Variants in UIMC1 observed in about 807,000 individuals in gnomAD.
UIMC1 encodes BRCA1-A complex subunit RAP80.
A neutral mutation model predicts 84.9 loss-of-function variants in UIMC1; 42 were observed. That is an observed-to-expected ratio of 0.49 (90% CI 0.39 to 0.64). UIMC1 has a LOEUF of 0.64. Among genes scored for constraint, UIMC1 ranks in the 30% least tolerant of loss-of-function variants. The probability of loss-of-function intolerance (pLI) is 0.00; values close to 1 mark genes in which losing one functional copy is unlikely to be tolerated. For synonymous variants in UIMC1, 281 were observed against 293.0 expected, an observed-to-expected ratio of 0.96 and a Z score of 0.42; for missense variants, 825 against 847.6, an observed-to-expected ratio of 0.97 and a Z score of 0.33.
chr5:176,978,317 G>C (rs1484574345), intron 2 of UIMC1, among the ~76,000 whole-genome samples: 1 of 152,084 alleles, frequency 6.6e-6, no homozygotes, highest in East Asian at 1.9e-4. Context: ...AGCTTGCAGT[G>C]AGCAGAGATG....
intron 10 of UIMC1, among the ~76,000 whole-genome samples, chr5:176,930,625 G>A (rs774831207): frequency 6.6e-5 from 10 of 152,140 alleles, no homozygotes; most frequent in Non-Finnish European, 1.0e-4. Flanking sequence ...ATAAAGATGC[G>A]GCAAATTAAA....
intron 10 of UIMC1, among the ~76,000 whole-genome samples, chr5:176,940,491 G>T (rs1319456241): frequency 6.6e-6 from 1 of 152,122 alleles, no homozygotes; most frequent in African/African-American, 2.4e-5. Context: ...TACCAGCTGT[G>T]TAAGTGCTTA....
rs759161130 is a variant in UIMC1 at position 176,969,149 on chromosome 5, G to T, written c.606C>A (p.Asp202Glu). 6 of 1,614,038 alleles carry T rather than the reference G, an allele frequency of 3.7e-6. No individual in the cohort carries two copies. Among genetic ancestry groups the T allele is most frequent in the African/African-American group, 1.3e-5 (1 of 74,916 alleles). The change falls in exon 6 of 15, where the codon GAC becomes GAA. Residue 202 changes from aspartate to glutamate, a missense_variant. Transcript: ENST00000511320. The stretch of plus-strand genomic sequence containing the variant: ...TCTCAAACACTGGCTGGCTTGACTG[G>T]TCCCAGCTTCCTGAGCTGCCAGAGA... Reference protein sequence around the residue: ...EPVSGSSGSWDQSSQPVFENV... With the variant: ...EPVSGSSGSWEQSSQPVFENV...
At chr5:177,018,781 A>C (rs1041670994) in intron 1 of UIMC1, among the ~76,000 whole-genome samples, 1 of 152,234 alleles carries the variant, frequency 6.6e-6, no homozygotes, top group Non-Finnish European at 1.5e-5. Flanking sequence ...CCTCCATGGC[A>C]CAGGGGATGA....
chr5:176,991,495 G>A (rs1302859506), intron 1 of UIMC1, among the ~76,000 whole-genome samples: 3 of 151,738 alleles, frequency 2.0e-5, no homozygotes, highest in East Asian at 1.9e-4. Context: ...ACTGCCTCTC[G>A]ATCACCTGAG....
At chr5:176,920,059 T>C (rs1362727452) in intron 10 of UIMC1, among the ~76,000 whole-genome samples, 1 of 152,178 alleles carries the variant, frequency 6.6e-6, no homozygotes, top group Non-Finnish European at 1.5e-5. Flanking sequence ...TTCGCTCTTG[T>C]TGCCCAGGCT....
chr5:176,913,823 T>A (rs1373271573), intron 10 of UIMC1, among the ~76,000 whole-genome samples: 1 of 152,042 alleles, frequency 6.6e-6, no homozygotes, highest in South Asian at 2.1e-4. Context: ...ACAAAAAATA[T>A]AAAAGTTAGC....
rs1759496793 is a variant in UIMC1 at position 176,907,160 on chromosome 5, T to G, written c.1866A>C (p.Glu622Asp). The G allele has an allele frequency of 1.2e-6, 2 of 1,613,636 alleles. No homozygotes were observed. The highest frequency in any genetic ancestry group is 1.7e-5 in the Admixed American group (1 of 59,978). Residue 622 changes from glutamate to aspartate, a missense_variant, in exon 13 of 15, where the codon GAA becomes GAC. Coordinates refer to ENST00000511320, the MANE Select transcript of UIMC1 (RefSeq NM_001199298.2). ...GTTCCAAGAAACTAAGGAGTCGGCC[T>G]TCACTGTGGCCTTTTTCCTGTAACA... is the stretch of plus-strand genomic sequence containing the variant. ...LKNPKEKGHS[E>D]GRLLSFLEQS...
intron 14 of UIMC1, 156 bp downstream of exon 14, chr5:176,905,855 G>A: frequency 1.3e-6 from 1 of 741,158 alleles, no homozygotes; most frequent in East Asian, 2.6e-5. Flanking sequence ...TTAGCTAAAT[G>A]GGGAGCACAG....
intron 10 of UIMC1, among the ~76,000 whole-genome samples, chr5:176,936,985 T>TA (rs1329690095): frequency 5.3e-5 from 8 of 152,190 alleles, no homozygotes; most frequent in Non-Finnish European, 1.2e-4. Flanking sequence ...CAGGGACTTA[T>TA]ATTCTGTTAA....
intron 10 of UIMC1, among the ~76,000 whole-genome samples, chr5:176,921,192 C>T (rs1259134672): frequency 1.3e-5 from 2 of 152,182 alleles, no homozygotes; most frequent in Non-Finnish European, 1.5e-5. Flanking sequence ...TGCATCTGTA[C>T]CCATATCCTC....
chr5:176,992,272 A>T (rs748044590), intron 1 of UIMC1, among the ~76,000 whole-genome samples: 1 of 152,178 alleles, frequency 6.6e-6, no homozygotes, highest in Non-Finnish European at 1.5e-5. Context: ...TTCCTTGGAA[A>T]AATTTTTATA....
In UIMC1 at chr5:176,951,448, G is replaced by A. The variant is rs770366852; in HGVS notation, c.1443+26C>T. ...ACTGCCAACGGAAAGAAACCACTGA[G>A]AAAAAATATAGAGGAAAATATTCAC... is the stretch of plus-strand genomic sequence containing the variant. On this transcript the variant is annotated intron_variant, in intron 9 of 14. Coordinates refer to ENST00000511320, the MANE Select transcript of UIMC1 (RefSeq NM_001199298.2). 3 of 1,477,998 alleles carry A rather than the reference G, an allele frequency of 2.0e-6. No homozygotes were observed. The East Asian group carries it at 7.6e-5, about 37-fold the overall frequency. 91.6% of individuals were successfully genotyped at this position (1,477,998 alleles called of 1,614,324 possible). A position where few individuals can be genotyped will look rare whatever the true frequency, so the allele number is the denominator to read the frequency against.
rs761271079 is a variant in UIMC1 at position 176,907,125 on chromosome 5, TG to T, written c.1900del (p.His634ThrfsTer41). On this transcript the variant is annotated frameshift_variant, in exon 13 of 15. Transcript: ENST00000511320. LOFTEE classifies it high-confidence loss of function. The stretch of plus-strand genomic sequence containing the variant: ...CCTGGGGTCCTCACCTGAAGTCTTG[TG>T]CTCAGACTGTTCCAAGAAACTAAGG... ...RLLSFLEQSE[H>X]KTSDADIKSS... 6.2e-7 allele frequency: 1 copy of T among 1,613,876 alleles called. No homozygotes were observed. The highest frequency in any genetic ancestry group is 8.5e-7 in the Non-Finnish European group (1 of 1,179,868).
chr5:176,935,704 GA>G (rs1172276041), intron 10 of UIMC1, among the ~76,000 whole-genome samples: 1 of 152,156 alleles, frequency 6.6e-6, no homozygotes, highest in Non-Finnish European at 1.5e-5. Context: ...ATATAGAACA[GA>G]ACAAGTCCCA....
intron 9 of UIMC1, among the ~76,000 whole-genome samples, chr5:176,943,917 T>C (rs1022106432): frequency 3.3e-5 from 5 of 152,228 alleles, no homozygotes; most frequent in African/African-American, 9.6e-5. Context: ...GAGATTCAAA[T>C]GAAGGACTAG....
chr5:176,947,030 T>C (rs1765212305), intron 9 of UIMC1, among the ~76,000 whole-genome samples: 1 of 152,188 alleles, frequency 6.6e-6, no homozygotes. Context: ...GTGCCCACAT[T>C]GAGCACTATA....
chr5:176,969,666 G>A lies in UIMC1; in HGVS notation c.398C>T (p.Pro133Leu), dbSNP rs1768899194. ...CTGGGAAGACGGTCCAGTGGCCAGA[G>A]GTCGAGATCTGGTAGCGGAAGCATC... ...PSDASATRSR[P>L]LATGPSSQSH... The change falls in exon 5 of 15, where the codon CCT (proline) becomes CTT (leucine). Residue 133 changes from proline to leucine, a missense_variant. Physicochemically the swap from Pro to Leu is moderately conservative, Grantham distance 98. Coordinates refer to ENST00000511320, the MANE Select transcript of UIMC1 (RefSeq NM_001199298.2). 3 of 1,614,108 alleles carry A rather than the reference G, an allele frequency of 1.9e-6. No individual in the cohort carries two copies. Among genetic ancestry groups the A allele is most frequent in the Non-Finnish European group, 1.7e-6 (2 of 1,180,024 alleles).
intron 1 of UIMC1, among the ~76,000 whole-genome samples, chr5:176,996,016 T>A (rs2149529555): frequency 6.6e-6 from 1 of 152,166 alleles, no homozygotes; most frequent in Non-Finnish European, 1.5e-5. Context: ...GCCTTAGTCA[T>A]AAGGGACAAA....
Sources: gnomAD v4.1 joint callset for allele counts (sites outside exome capture counted in the v4.1 genomes callset) on GRCh38, gnomAD v4.1.1 for gene constraint, MANE v1.5 for transcripts, NCBI Gene and HGNC (gene_info 2026-07-23, HGNC 2026-07-21) for gene names.